Variants in TMEM260 observed in about 807,000 individuals in gnomAD.
TMEM260 encodes protein O-mannosyl-transferase TMEM260.
Under a neutral mutation model 88.9 loss-of-function variants are expected in TMEM260, and 82 were observed. The observed-to-expected ratio is 0.92, with a 90% CI of 0.77 to 1.11. The LOEUF (loss-of-function observed/expected upper bound fraction) is 1.11. Among genes scored for constraint, TMEM260 ranks in the 50% least tolerant of loss-of-function variants. The pLI is 0.00. For synonymous variants in TMEM260, 314 were observed against 309.3 expected, an observed-to-expected ratio of 1.02 and a Z score of -0.16; for missense variants, 902 against 853.4, an observed-to-expected ratio of 1.06 and a Z score of -0.71.
chr14:56,621,352 A>T (rs8006843), intron 10 of TMEM260, among the ~76,000 whole-genome samples, 179 bp from the exon 11 acceptor site: 102,943 of 152,002 alleles, frequency 0.68, 37,322 homozygotes, highest in Non-Finnish European at 0.81. Flanking sequence ...TTGCACAATT[A>T]GCTGCTGCTT....
chr14:56,645,386 C>T (rs951477667), intron 15 of TMEM260, among the ~76,000 whole-genome samples: 6 of 152,048 alleles, frequency 3.9e-5, no homozygotes, highest in Non-Finnish European at 7.4e-5. Context: ...AGCAAACTAT[C>T]GCAAGGACAA....
At chr14:56,646,752 A>G (rs559037623) in intron 15 of TMEM260, among the ~76,000 whole-genome samples, 73 of 152,148 alleles carry the variant, frequency 4.8e-4, no homozygotes, top group African/African-American at 1.6e-3. Context: ...TAGTGTTGTT[A>G]GTGTTGTTTT....
rs749162437 is a variant in TMEM260, at chr14:56,647,510, T to C, written c.*13T>C. ...GAAAAATGTCTGAGACAGCAAAATA[T>C]GAAAAACCTGCTCATCGTTCAGCTT... On this transcript the variant is annotated 3_prime_UTR_variant, in exon 16 of 16. Transcript: ENST00000261556. 1 of 1,569,780 alleles carries C rather than the reference T, an allele frequency of 6.4e-7. No individual in the cohort carries two copies. The highest frequency in any genetic ancestry group is 8.6e-7 in the Non-Finnish European group (1 of 1,162,018).
chr14:56,619,648 A>T (rs551822344), intron 10 of TMEM260, among the ~76,000 whole-genome samples: 28 of 152,342 alleles, frequency 1.8e-4, no homozygotes, highest in African/African-American at 6.7e-4. Context: ...AGTACACATT[A>T]TGGAAATGGA....
rs1890136209 is a variant in TMEM260 at position 56,649,208 on chromosome 14, T to G, written c.*1711T>G. 1 of 152,658 alleles carries G rather than the reference T, an allele frequency of 6.6e-6. No individual in the cohort carries two copies. Among genetic ancestry groups the G allele is most frequent in the Non-Finnish European group, 1.5e-5 (1 of 68,048 alleles). 9.5% of individuals were successfully genotyped at this position (152,658 alleles called of 1,614,324 possible). A position where few individuals can be genotyped will look rare whatever the true frequency, so the allele number is the denominator to read the frequency against. On this transcript the variant is annotated 3_prime_UTR_variant, in exon 16 of 16. Transcript: ENST00000261556. ...TGCCTTTTGCCCTTTTATCACAGCCTTATTAGGCTCCTACTCATCTTGAAC... is the reference window on the plus strand; with the variant it reads ...TGCCTTTTGCCCTTTTATCACAGCCGTATTAGGCTCCTACTCATCTTGAAC...
intron 6 of TMEM260, among the ~76,000 whole-genome samples, chr14:56,610,657 AAG>A (rs1298940204): frequency 1.3e-5 from 2 of 152,206 alleles, no homozygotes; most frequent in African/African-American, 2.4e-5. Flanking sequence ...CATAATAAAA[AAG>A]TATTAATTAT....
intron 15 of TMEM260, among the ~76,000 whole-genome samples, chr14:56,637,134 A>C (rs1296409751): frequency 6.6e-6 from 1 of 152,238 alleles, no homozygotes; most frequent in African/African-American, 2.4e-5. Context: ...TCCTGAAGGA[A>C]TGCAGTTATG....
At chr14:56,651,327 A>G (rs1031381783), downstream of TMEM260, among the ~76,000 whole-genome samples, 4 of 108,062 alleles carry the variant, frequency 3.7e-5, no homozygotes, top group African/African-American at 1.8e-4. Context: ...GTTTTTCAGG[A>G]AAAAAAAAAA....
intron 3 of TMEM260, among the ~76,000 whole-genome samples, chr14:56,599,605 T>G (rs1278551600): frequency 6.6e-6 from 1 of 152,226 alleles, no homozygotes; most frequent in Admixed American, 6.5e-5. Context: ...AAAAAAAATT[T>G]GTATTAGCAG....
chr14:56,657,116 C>T, the TMEM260 span, among the ~76,000 whole-genome samples: 1 of 152,140 alleles, frequency 6.6e-6, no homozygotes, highest in Non-Finnish European at 1.5e-5. Flanking sequence ...AGAGAACAGT[C>T]TCCTACCAGG....
intron 12 of TMEM260, among the ~76,000 whole-genome samples, chr14:56,628,639 T>G (rs1943271219): frequency 6.6e-6 from 1 of 152,128 alleles, no homozygotes; most frequent in African/African-American, 2.4e-5. Context: ...AAAAAAAATC[T>G]TCTGGGGTTT....
the TMEM260 span, among the ~76,000 whole-genome samples, chr14:56,662,917 T>C: frequency 6.6e-6 from 1 of 152,058 alleles, no homozygotes; most frequent in Admixed American, 6.5e-5. Flanking sequence ...CAGCTGAGGT[T>C]GGGAGTTCGA....
intron 3 of TMEM260, among the ~76,000 whole-genome samples, chr14:56,589,090 T>G (rs1054379338): frequency 5.9e-5 from 9 of 152,082 alleles, no homozygotes; most frequent in Non-Finnish European, 1.3e-4. Flanking sequence ...ATTTACTGAA[T>G]AAAGAAGGAG....
chr14:56,635,217 T>A (rs1414364820), intron 14 of TMEM260, among the ~76,000 whole-genome samples: 2 of 152,232 alleles, frequency 1.3e-5, no homozygotes, highest in Non-Finnish European at 2.9e-5. Flanking sequence ...GGCACACTGC[T>A]GCTAGTGATG....
intron 3 of TMEM260, among the ~76,000 whole-genome samples, chr14:56,586,626 T>C (rs1433379597): frequency 6.6e-6 from 1 of 152,170 alleles, no homozygotes; most frequent in Non-Finnish European, 1.5e-5. Flanking sequence ...AATTACACTT[T>C]CTGCAAAAGG....
chr14:56,644,540 C>T (rs1889823911), intron 15 of TMEM260, among the ~76,000 whole-genome samples: 1 of 152,110 alleles, frequency 6.6e-6, no homozygotes, highest in Non-Finnish European at 1.5e-5. Context: ...AGACCTAAAA[C>T]CATAAAAACC....
In TMEM260 at chr14:56,632,955, T is replaced by C. The variant is rs755883573; in HGVS notation, c.1548-40T>C. The C allele has an allele frequency of 3.2e-6, 5 of 1,549,720 alleles. No individual in the cohort carries two copies. The South Asian group carries it at 3.5e-5, about 11-fold the overall frequency. On this transcript the variant is annotated intron_variant, in intron 12 of 15. Transcript: ENST00000261556. ...TATATTTACTTAACATTTAAAACTT[T>C]AAATTTTAAGTACATCATGTATTTT...
intron 11 of TMEM260, among the ~76,000 whole-genome samples, chr14:56,625,015 AATCTAATGCTGCCACTG>A (rs1461051151): frequency 6.6e-6 from 1 of 152,156 alleles, no homozygotes; most frequent in Admixed American, 6.5e-5. Flanking sequence ...CTCCTGTGAA[AATCTAATGCTGCCACTG>A]ATCTGACAGG....
intron 6 of TMEM260, 123 bp from the exon 7 acceptor site, chr14:56,612,122 G>A (rs1348831871): frequency 1.5e-5 from 14 of 940,174 alleles, no homozygotes; most frequent in South Asian, 5.6e-5. Flanking sequence ...GAGGTACCCC[G>A]AAACCTAAAA....
Sources: allele counts gnomAD v4.1 joint callset (sites outside exome capture counted in the v4.1 genomes callset), GRCh38; gene constraint gnomAD v4.1.1; transcripts MANE v1.5; gene names NCBI Gene and HGNC (gene_info 2026-07-23, HGNC 2026-07-21).